NBEA: variants seen among roughly 807,000 people sequenced by gnomAD.
The protein encoded by NBEA is neurobeachin.
Under a neutral mutation model 343.4 loss-of-function variants are expected in NBEA, and 44 were observed. The ratio of observed to expected loss-of-function variants is 0.13; its 90% CI spans 0.10 to 0.16. NBEA has a LOEUF of 0.16. Ranked by LOEUF, NBEA falls within the 10% of genes least tolerant of loss-of-function variation. NBEA has a pLI of 1.00. For missense variants in NBEA, 2,555 were observed against 3,631.3 expected, an observed-to-expected ratio of 0.70 and a Z score of 7.62; for synonymous variants, 1,175 against 1,238.7, an observed-to-expected ratio of 0.95 and a Z score of 1.08.
Position 35,147,849 on chromosome 13 carries a change from A to C in NBEA, c.2445+5472A>C, listed in dbSNP as rs144830165. On this transcript the variant is annotated intron_variant, in intron 18 of 58. Transcript: ENST00000379939. ...AAGCTCAGGGTTTTGATAAAGAGCT[A>C]TGAAGGCCTGTACATACAATATTTG... Among the ~76,000 whole-genome samples the C allele has an allele frequency of 2.2e-4, 33 of 152,332 alleles. No individual in the cohort carries two copies. In the East Asian group the frequency reaches 6.0e-3, roughly 28 times the overall value.
chr13:35,570,534 T>C (rs1334941666), intron 45 of NBEA, among the ~76,000 whole-genome samples: 1 of 152,222 alleles, frequency 6.6e-6, no homozygotes, highest in Non-Finnish European at 1.5e-5. Flanking sequence ...CTGTGAACAG[T>C]TGAATCCATG....
At chr13:35,017,621 T>C (rs1361309139) in intron 1 of NBEA, among the ~76,000 whole-genome samples, 3 of 152,186 alleles carry the variant, frequency 2.0e-5, no homozygotes, top group African/African-American at 7.2e-5. Context: ...TTTTGAAATA[T>C]CTGTTAAGAT....
chr13:35,015,282 A>G (rs1222292974), intron 1 of NBEA, among the ~76,000 whole-genome samples: 1 of 152,092 alleles, frequency 6.6e-6, no homozygotes, highest in Non-Finnish European at 1.5e-5. Flanking sequence ...GAAATAATGT[A>G]GCTATTCAGA....
At chr13:35,456,573 T>A (rs2046590264) in intron 40 of NBEA, among the ~76,000 whole-genome samples, 2 of 152,106 alleles carry the variant, frequency 1.3e-5, no homozygotes, top group Non-Finnish European at 2.9e-5. Flanking sequence ...TAATATAAAA[T>A]CTTGATTACC....
In NBEA at chr13:34,942,655, CGGAGCGGGCCGGGCTGAGGCGCAGGCGG is replaced by C; in HGVS notation, c.-155_-128del. The C allele has an allele frequency of 2.6e-6, 1 of 391,562 alleles. No individual in the cohort carries two copies. Among genetic ancestry groups the C allele is most frequent in the Non-Finnish European group, 4.3e-6 (1 of 233,552 alleles). 24.3% of individuals were successfully genotyped at this position (391,562 alleles called of 1,614,324 possible). Reference sequence around the variant, plus strand: ...CCGCCGCCTCCGCGGGGGAGAGCGCCGGAGCGGGCCGGGCTGAGGCGCAGGCGGGGAGCGGGCCCGGCGCCGCGGCGCT... The same window carrying C: ...CCGCCGCCTCCGCGGGGGAGAGCGCCGGAGCGGGCCCGGCGCCGCGGCGCT... On this transcript the variant is annotated 5_prime_UTR_variant, in exon 1 of 59. Coordinates refer to ENST00000379939, the MANE Select transcript of NBEA (RefSeq NM_001385012.1).
intron 30 of NBEA, among the ~76,000 whole-genome samples, chr13:35,195,208 C>A (rs1464792859): frequency 6.6e-6 from 1 of 151,982 alleles, no homozygotes; most frequent in Non-Finnish European, 1.5e-5. Context: ...TGGCAGCTAA[C>A]AATCAAAGGA....
rs35150346 is a variant in NBEA at position 35,099,025 on chromosome 13, C to CTTT, written c.1680+636_1680+638dup. The stretch of plus-strand genomic sequence containing the variant: ...TTTCTTTGCTATCTTTTCACTTAGA[C>CTTT]TTTTTTTTTTTTTTTTTTGAGACAG... On this transcript the variant is annotated intron_variant, in intron 11 of 58. Transcript: ENST00000379939. Among the ~76,000 whole-genome samples the CTTT allele has an allele frequency of 8.1e-3, 1,024 of 125,818 alleles. 38 individuals are homozygous for CTTT. The highest frequency in any genetic ancestry group is 0.022 in the African/African-American group (734 of 33,348). 82.5% of individuals were successfully genotyped at this position (125,818 alleles called of 152,430 possible). A position where few individuals can be genotyped will look rare whatever the true frequency, so the allele number is the denominator to read the frequency against.
At chr13:35,493,516 T>C (rs2076570159) in intron 41 of NBEA, among the ~76,000 whole-genome samples, 1 of 151,934 alleles carries the variant, frequency 6.6e-6, no homozygotes, top group African/African-American at 2.4e-5. Flanking sequence ...CATCAGGATA[T>C]TTTGGTAGGA....
chr13:35,025,907 A>G (rs2152544844), intron 1 of NBEA, among the ~76,000 whole-genome samples: 1 of 152,258 alleles, frequency 6.6e-6, no homozygotes, highest in East Asian at 1.9e-4. Flanking sequence ...TGTTTGGAAA[A>G]AATTTTAATT....
At chr13:34,996,323 C>A (rs1186534863) in intron 1 of NBEA, among the ~76,000 whole-genome samples, 18 of 152,010 alleles carry the variant, frequency 1.2e-4, no homozygotes, top group Non-Finnish European at 2.5e-4. Flanking sequence ...ATTTATTTTA[C>A]ATTCATATTT....
rs866088217 is a variant in NBEA, at chr13:35,071,320, A to C, written c.1571+468A>C. Among the ~76,000 whole-genome samples, 7 of 152,106 alleles carry C rather than the reference A, an allele frequency of 4.6e-5. 1 individual carries two copies. In the Middle Eastern group the frequency reaches 0.02, roughly 443 times the overall value. On this transcript the variant is annotated intron_variant, in intron 10 of 58. Transcript: ENST00000379939. ...TTTGTCATGGCATAAGTCTAGCATAATATTAATTGACATCAGCCCTTATTT... is the reference window on the plus strand; with the variant it reads ...TTTGTCATGGCATAAGTCTAGCATACTATTAATTGACATCAGCCCTTATTT...
intron 1 of NBEA, among the ~76,000 whole-genome samples, chr13:34,976,209 G>A (rs1368497025): frequency 6.6e-6 from 1 of 152,188 alleles, no homozygotes; most frequent in Non-Finnish European, 1.5e-5. Context: ...TGAAAAAAAT[G>A]TGGTGCATAA....
At chr13:35,199,655 A>G (rs1173946276) in intron 31 of NBEA, among the ~76,000 whole-genome samples, 1 of 152,138 alleles carries the variant, frequency 6.6e-6, no homozygotes, top group African/African-American at 2.4e-5. Flanking sequence ...AACTGGGATA[A>G]TTTGAGTTAT....
At chr13:35,560,288 C>T (rs2079801310) in intron 44 of NBEA, among the ~76,000 whole-genome samples, 1 of 152,140 alleles carries the variant, frequency 6.6e-6, no homozygotes. Context: ...CCTCCAGTCA[C>T]CAGCTTTAAC....
intron 1 of NBEA, among the ~76,000 whole-genome samples, chr13:34,954,770 T>G (rs1433851484): frequency 6.6e-6 from 1 of 152,194 alleles, no homozygotes; most frequent in Non-Finnish European, 1.5e-5. Context: ...TAATGCAGTG[T>G]AAATGCTAGG....
intron 41 of NBEA, among the ~76,000 whole-genome samples, chr13:35,516,740 A>C (rs557363694): frequency 6.6e-6 from 1 of 152,330 alleles, no homozygotes; most frequent in South Asian, 2.1e-4. Context: ...TCTTTTCTGT[A>C]GAGTAAGGGA....
rs773065298 is a variant in NBEA at position 34,942,991 on chromosome 13, C to G, written c.171C>G (p.Pro57=). 6.2e-6 allele frequency: 10 copies of G among 1,610,784 alleles called. No homozygotes were observed. Among genetic ancestry groups the G allele is most frequent in the African/African-American group, 1.3e-5 (1 of 74,668 alleles). The part of the protein sequence containing the change: ...GASGSGSVML[P]AGMINPSVPI... The stretch of plus-strand genomic sequence containing the variant: ...CCGGCTCCGGCTCGGTGATGCTCCC[C>G]GCGGGGATGATTAACCCTTCGGTGC... Residue 57 remains proline, a synonymous_variant, in exon 1 of 59, where the codon CCC becomes CCG. Transcript: ENST00000379939.
chr13:35,326,584 T>C (rs1217004735), intron 36 of NBEA, among the ~76,000 whole-genome samples: 3 of 151,968 alleles, frequency 2.0e-5, no homozygotes, highest in Non-Finnish European at 4.4e-5. Flanking sequence ...TCAGTAATGG[T>C]ATGATAGTTA....
At chr13:35,373,078 G>A (rs2041536325) in intron 38 of NBEA, among the ~76,000 whole-genome samples, 1 of 152,160 alleles carries the variant, frequency 6.6e-6, no homozygotes, top group African/African-American at 2.4e-5. Flanking sequence ...TGGTGGGAAT[G>A]TGAGCCACTG....
Sources: gnomAD v4.1 joint callset for allele counts (sites outside exome capture counted in the v4.1 genomes callset) on GRCh38, gnomAD v4.1.1 for gene constraint, MANE v1.5 for transcripts, NCBI Gene and HGNC (gene_info 2026-07-23, HGNC 2026-07-21) for gene names.